UBA3: variants seen among roughly 807,000 people sequenced by gnomAD.
UBA3 encodes the protein NEDD8-activating enzyme E1 catalytic subunit.
In UBA3, 26 loss-of-function variants were observed where a neutral mutation model predicts 73.5. The observed-to-expected ratio is 0.35, with a 90% CI of 0.26 to 0.49. The LOEUF (loss-of-function observed/expected upper bound fraction) is 0.49. Among genes scored for constraint, UBA3 ranks in the 20% least tolerant of loss-of-function variants. The probability of loss-of-function intolerance (pLI) is 0.98; values close to 1 mark genes in which losing one functional copy is unlikely to be tolerated. For missense variants in UBA3, 495 were observed against 555.6 expected (o/e 0.89, Z 1.10); for synonymous variants, 217 against 191.2 (o/e 1.13, Z -1.11).
intron 5 of UBA3, among the ~76,000 whole-genome samples, chr3:69,069,348 GAC>G (rs2092102216): frequency 6.6e-6 from 1 of 151,806 alleles, no homozygotes; most frequent in South Asian, 2.1e-4. Flanking sequence ...GTTTGTTTGA[GAC>G]AGAGTCTCGC....
At chr3:69,055,971 G>GA (rs2091969179) in intron 16 of UBA3, 29 bp downstream of exon 16, 2 of 1,596,666 alleles carry the variant, frequency 1.3e-6, no homozygotes, top group Non-Finnish European at 1.7e-6. Context: ...ATAATTTTCT[G>GA]AAAAAAATTT....
intron 4 of UBA3, 77 bp from the exon 5 acceptor site, chr3:69,071,694 C>G (rs570990477): frequency 8.8e-4 from 752 of 853,618 alleles, no homozygotes; most frequent in Non-Finnish European, 1.2e-3. Flanking sequence ...TCAATGTAGT[C>G]TTAAGTCTAC....
chr3:69,065,754 C>A (rs1471722612), intron 6 of UBA3, among the ~76,000 whole-genome samples: 2 of 152,094 alleles, frequency 1.3e-5, no homozygotes, highest in Non-Finnish European at 2.9e-5. Context: ...CTCTATAATT[C>A]TGTAATTTCA....
At position 69,063,508 on chromosome 3, in the gene UBA3, A is replaced by C. The variant is rs747917761; in HGVS notation, c.473-5T>G. On this transcript the variant is annotated splice_polypyrimidine_tract_variant and splice_region_variant and intron_variant, in intron 7 of 17. Coordinates refer to ENST00000361055, the MANE Select transcript of UBA3 (RefSeq NM_003968.4). ...CACATACAATAATATGAAATTCTAC[A>C]AAAAAAAAAAAAAGCAACTTTAGTT... 12 of 382,418 alleles carry C rather than the reference A, an allele frequency of 3.1e-5. No homozygotes were observed. The South Asian group carries it at 4.3e-4, about 14-fold the overall frequency. 23.7% of individuals were successfully genotyped at this position (382,418 alleles called of 1,614,324 possible). A position where few individuals can be genotyped will look rare whatever the true frequency, so the allele number is the denominator to read the frequency against.
chr3:69,060,132 T>C (rs2092009820), intron 11 of UBA3, among the ~76,000 whole-genome samples: 1 of 152,096 alleles, frequency 6.6e-6, no homozygotes, highest in Non-Finnish European at 1.5e-5. Flanking sequence ...AAAATTTTCA[T>C]CAATTATTTG....
intron 3 of UBA3, among the ~76,000 whole-genome samples, chr3:69,076,665 C>T (rs926554522): frequency 6.6e-5 from 10 of 151,978 alleles, no homozygotes; most frequent in African/African-American, 2.4e-4. Flanking sequence ...CCTCCAGGTG[C>T]AGTCAAGCAA....
In UBA3 at chr3:69,056,629, A is replaced by C; in HGVS notation, c.1066T>G (p.Phe356Val). The C allele has an allele frequency of 6.2e-7, 1 of 1,611,858 alleles. No homozygotes were observed. The highest frequency in any genetic ancestry group is 8.5e-7 in the Non-Finnish European group (1 of 1,178,508). Residue 356 changes from phenylalanine (F) to valine (V), a missense_variant, in exon 14 of 18, where the codon TTT becomes GTT. Physicochemically the swap from Phe to Val is conservative, Grantham distance 50. Coordinates refer to ENST00000361055, the MANE Select transcript of UBA3 (RefSeq NM_003968.4). ...NDVDGLYTYT[F>V]EAERKENCPA... The stretch of plus-strand genomic sequence containing the variant: ...CTACTAACCTTTCTTTCTGCTTCAA[A>C]TGTGTATGTATACAGCCCATCTACA...
At position 69,055,922 on chromosome 3, in the gene UBA3, C is replaced by T. The variant is rs1467920656; in HGVS notation, c.1249-17G>A. The T allele has an allele frequency of 6.2e-7, 1 of 1,609,380 alleles. No individual in the cohort carries two copies. The highest frequency in any genetic ancestry group is 1.1e-5 in the South Asian group (1 of 90,170). ...GGTTACCGACTAGAAAACAAAATTA[C>T]TTTAATGTAAGACACATTAAAGTAA... On this transcript the variant is annotated splice_polypyrimidine_tract_variant and intron_variant, in intron 16 of 17. Coordinates refer to ENST00000361055, the MANE Select transcript of UBA3 (RefSeq NM_003968.4).
At chr3:69,063,398 G>C in intron 8 of UBA3, 41 bp downstream of exon 8, 2 of 1,556,476 alleles carry the variant, frequency 1.3e-6, no homozygotes, top group Middle Eastern at 3.4e-4. Flanking sequence ...AAGCACAGCA[G>C]CAAGAACTTC....
chr3:69,056,146 T>C lies in UBA3; in HGVS notation c.1184+37A>G, dbSNP rs754221855. ...TTTAAGGTTTCAAAAATCACAAAAA[T>C]GATTTTTACAACATAACAAAAATCT... On this transcript the variant is annotated intron_variant, in intron 15 of 17. Coordinates refer to ENST00000361055, the MANE Select transcript of UBA3 (RefSeq NM_003968.4). 10 of 1,561,584 alleles carry C rather than the reference T, an allele frequency of 6.4e-6. No homozygotes were observed. In the South Asian group the frequency reaches 1.2e-4, roughly 19 times the overall value.
chr3:69,065,237 CCCACCCCCA>C (rs762134846), intron 6 of UBA3, among the ~76,000 whole-genome samples: 6 of 151,422 alleles, frequency 4.0e-5, no homozygotes, highest in Non-Finnish European at 7.4e-5. Flanking sequence ...CACTAACCAA[CCCACCCCCA>C]CCAACTCTTC....
intron 6 of UBA3, among the ~76,000 whole-genome samples, chr3:69,064,312 A>G (rs556593482): frequency 6.6e-6 from 1 of 152,176 alleles, no homozygotes; most frequent in Admixed American, 6.5e-5. Context: ...TCCCCTAACT[A>G]CTTACTTTTT....
rs148560815 is a variant in UBA3, at chr3:69,056,465, T to C, written c.1083+147A>G. 3.4e-5 allele frequency: 29 copies of C among 858,106 alleles called. No homozygotes were observed. In the African/African-American group the frequency reaches 4.1e-4, roughly 12 times the overall value. The allele number at this position is 858,106 out of a possible 1,614,324, so 53.2% of individuals were successfully genotyped here. On this transcript the variant is annotated intron_variant, in intron 14 of 17. Coordinates refer to ENST00000361055, the MANE Select transcript of UBA3 (RefSeq NM_003968.4). The stretch of plus-strand genomic sequence containing the variant: ...TCTTGTAAATTACTTCGCTATAGAG[T>C]TATTTCAGGCTATAAAGCAAAAGAT...
At position 69,063,039 on chromosome 3, in the gene UBA3, C is replaced by A. The variant is rs1016981957; in HGVS notation, c.636G>T (p.Val212=). 2 of 1,614,116 alleles carry A rather than the reference C, an allele frequency of 1.2e-6. No homozygotes were observed. The highest frequency in any genetic ancestry group is 1.3e-5 in the African/African-American group (1 of 75,030). Residue 212 remains valine, a synonymous_variant, in exon 9 of 18, where the codon GTG becomes GTT. Coordinates refer to ENST00000361055, the MANE Select transcript of UBA3 (RefSeq NM_003968.4). ...GTEGFKGNAR[V]ILPGMTACIE... ...TACAAGCAGTCATTCCAGGCAGAAT[C>A]ACCCGGGCATTTCCTTTAAAACCTT...
intron 3 of UBA3, among the ~76,000 whole-genome samples, chr3:69,076,237 T>G (rs554416207): frequency 4.6e-5 from 7 of 151,988 alleles, no homozygotes; most frequent in African/African-American, 1.7e-4. Flanking sequence ...AGTAAAACAA[T>G]AAGGTAAAAA....
At chr3:69,070,843 C>A (rs1404546879) in intron 5 of UBA3, among the ~76,000 whole-genome samples, 2 of 151,986 alleles carry the variant, frequency 1.3e-5, no homozygotes, top group East Asian at 3.9e-4. Context: ...ACGAAATCTC[C>A]CTTTGTTGCC....
intron 2 of UBA3, 94 bp from the exon 3 acceptor site, chr3:69,078,012 C>T (rs752817242): frequency 1.2e-5 from 17 of 1,419,968 alleles, no homozygotes; most frequent in Non-Finnish European, 1.5e-5. Flanking sequence ...AAGGTAACCA[C>T]ACCAGACCTG....
intron 7 of UBA3, 115 bp downstream of exon 7, chr3:69,063,953 T>A: frequency 3.4e-6 from 3 of 886,476 alleles, no homozygotes; most frequent in Non-Finnish European, 5.3e-6. Flanking sequence ...AAGCCAACAG[T>A]GAGAGAGGAA....
Position 69,061,678 on chromosome 3 carries a change from A to G in UBA3, c.910+136T>C, listed in dbSNP as rs181498706. Reference sequence around the variant, plus strand: ...ATTAAATTCCCCCTAGCTAATAAGTAGTATGAATTACATGGTACCTTTACT... The same window carrying G: ...ATTAAATTCCCCCTAGCTAATAAGTGGTATGAATTACATGGTACCTTTACT... On this transcript the variant is annotated intron_variant, in intron 11 of 17. Coordinates refer to ENST00000361055, the MANE Select transcript of UBA3 (RefSeq NM_003968.4). 4 of 532,236 alleles carry G rather than the reference A, an allele frequency of 7.5e-6. No homozygotes were observed. The Admixed American group carries it at 9.9e-5, about 13-fold the overall frequency. 33.0% of individuals were successfully genotyped at this position (532,236 alleles called of 1,614,324 possible). A position where few individuals can be genotyped will look rare whatever the true frequency, so the allele number is the denominator to read the frequency against.
Sources: allele counts gnomAD v4.1 joint callset (sites outside exome capture counted in the v4.1 genomes callset), GRCh38; gene constraint gnomAD v4.1.1; transcripts MANE v1.5; gene names NCBI Gene and HGNC (gene_info 2026-07-23, HGNC 2026-07-21).